The following LMO4 variants were observed in gnomAD, a reference collection of about 807,000 sequenced individuals.
LMO4 encodes LIM domain transcription factor LMO4.
In LMO4, 3 loss-of-function variants were observed where a neutral mutation model predicts 18.5. The ratio of observed to expected loss-of-function variants is 0.16; its 90% CI spans 0.07 to 0.42. The LOEUF (loss-of-function observed/expected upper bound fraction) is 0.42, where lower values mean the gene tolerates loss of function less well. LMO4 is among the 10% of genes least tolerant of loss of function. The pLI is 0.99. For synonymous variants in LMO4, 100 were observed against 88.1 expected, an observed-to-expected ratio of 1.14 and a Z score of -0.76; for missense variants, 121 against 219.9, an observed-to-expected ratio of 0.55 and a Z score of 2.84.
At chr1:87,331,480 A>C (rs1321632241) in intron 1 of LMO4, among the ~76,000 whole-genome samples, 1 of 152,072 alleles carries the variant, frequency 6.6e-6, no homozygotes, top group Non-Finnish European at 1.5e-5. Context: ...CTGCAGCTGC[A>C]CTTCCCGGGG....
rs759976556 is a variant in LMO4 at position 87,340,220 on chromosome 1, A to T, written c.489+18A>T. On this transcript the variant is annotated intron_variant, in intron 4 of 4. Coordinates refer to ENST00000370544, the MANE Select transcript of LMO4 (RefSeq NM_006769.4). ...ACCAGAAGGTGAATACCCAGCAATT[A>T]CTAATAAGCTTTATTAGAGCAAGTT... is the stretch of plus-strand genomic sequence containing the variant. The T allele has an allele frequency of 1.2e-5, 19 of 1,612,774 alleles. No individual in the cohort carries two copies. The highest frequency in any genetic ancestry group is 1.5e-5 in the Non-Finnish European group (18 of 1,179,414).
intron 4 of LMO4, among the ~76,000 whole-genome samples, chr1:87,344,373 G>A (rs1650572477): frequency 6.6e-6 from 1 of 152,150 alleles, no homozygotes; most frequent in African/African-American, 2.4e-5. Context: ...CATTCCAAAA[G>A]GTTACACGGT....
chr1:87,337,119 G>T lies in LMO4; in HGVS notation c.237-2417G>T, dbSNP rs566910553. ...GAGGCAGCCTTAAAGCTGTAGGCAT[G>T]GAAAGATCTTAAACTCCATTGATAC... On this transcript the variant is annotated intron_variant, in intron 2 of 4. Transcript: ENST00000370544. Among the ~76,000 whole-genome samples the T allele has an allele frequency of 3.2e-4, 48 of 152,296 alleles. 1 individual carries two copies. Among genetic ancestry groups the T allele is most frequent in the African/African-American group, 1.2e-3 (48 of 41,568 alleles).
intron 1 of LMO4, among the ~76,000 whole-genome samples, chr1:87,329,661 CAG>C (rs1376752458): frequency 3.3e-5 from 5 of 152,132 alleles, no homozygotes; most frequent in African/African-American, 1.2e-4. Context: ...ATTTTTGAAA[CAG>C]TGGCAGGAAG....
At chr1:87,339,133 A>C (rs1020699607) in intron 2 of LMO4, among the ~76,000 whole-genome samples, 2 of 152,218 alleles carry the variant, frequency 1.3e-5, no homozygotes, top group Non-Finnish European at 2.9e-5. Flanking sequence ...AACCCTTTTG[A>C]TGACTCATAT....
chr1:87,338,480 A>G (rs757277423), intron 2 of LMO4, among the ~76,000 whole-genome samples: 2 of 152,238 alleles, frequency 1.3e-5, no homozygotes, highest in Non-Finnish European at 2.9e-5. Context: ...GGTCTGTTTA[A>G]TAAATATTTG....
chr1:87,345,616 C>T lies in LMO4; in HGVS notation c.*820C>T, dbSNP rs1431538524. The stretch of plus-strand genomic sequence containing the variant: ...TTTGGGTTTAAACACTGCTTTTTCT[C>T]TTCTGTATTTTGAAGAAATTTAGTT... On this transcript the variant is annotated 3_prime_UTR_variant, in exon 5 of 5. Transcript: ENST00000370544. 6.6e-6 allele frequency: 1 copy of T among 152,026 alleles called. No homozygotes were observed. The highest frequency in any genetic ancestry group is 2.4e-5 in the African/African-American group (1 of 41,402). The allele number at this position is 152,026 out of a possible 1,614,324, so 9.4% of individuals were successfully genotyped here.
intron 2 of LMO4, among the ~76,000 whole-genome samples, chr1:87,336,039 C>G (rs1308161845): frequency 9.3e-6 from 1 of 107,974 alleles, no homozygotes; most frequent in Non-Finnish European, 1.7e-5. Context: ...TTTTTTTTTC[C>G]TATTATGCAC....
chr1:87,336,420 G>A (rs1557614434), intron 2 of LMO4, among the ~76,000 whole-genome samples: 1 of 152,176 alleles, frequency 6.6e-6, no homozygotes, highest in South Asian at 2.1e-4. Context: ...AAGTAATAAT[G>A]CAGTTGAAAA....
chr1:87,333,025 AG>A (rs1650199698), intron 2 of LMO4, among the ~76,000 whole-genome samples: 1 of 152,216 alleles, frequency 6.6e-6, no homozygotes, highest in South Asian at 2.1e-4. Flanking sequence ...ATTTAGAAAA[AG>A]GCTATAGAAT....
intron 3 of LMO4, 124 bp downstream of exon 3, chr1:87,339,756 T>A: frequency 1.4e-6 from 1 of 708,524 alleles, no homozygotes; most frequent in South Asian, 1.7e-5. Flanking sequence ...GAAGGAATGA[T>A]TGAAATTGTA....
intron 2 of LMO4, among the ~76,000 whole-genome samples, chr1:87,338,945 G>A (rs1650395109): frequency 6.6e-6 from 1 of 152,348 alleles, no homozygotes; most frequent in Non-Finnish European, 1.5e-5. Flanking sequence ...GGATGAAAGA[G>A]ATGAGCAGAG....
chr1:87,344,427 G>C (rs1433318059), intron 4 of LMO4, among the ~76,000 whole-genome samples: 1 of 152,190 alleles, frequency 6.6e-6, no homozygotes, highest in Non-Finnish European at 1.5e-5. Context: ...ACTTGTCTTG[G>C]AATGTCCCCG....
intron 2 of LMO4, among the ~76,000 whole-genome samples, chr1:87,336,328 C>T (rs552233379): frequency 1.3e-5 from 2 of 152,188 alleles, no homozygotes; most frequent in Non-Finnish European, 1.5e-5. Flanking sequence ...CAGCCACACT[C>T]TCAGAAACGT....
rs1650643630 is a variant in LMO4 at position 87,346,654 on chromosome 1, A to AG, written c.*1862dup. On this transcript the variant is annotated 3_prime_UTR_variant, in exon 5 of 5. Transcript: ENST00000370544. ...TTCCTGTTTTCAGAGATTCCAGGGC[A>AG]GGGGAAAAAAAAAATCAGTTGAACT... is the stretch of plus-strand genomic sequence containing the variant. 2 of 151,990 alleles carry AG rather than the reference A, an allele frequency of 1.3e-5. No homozygotes were observed. The highest frequency in any genetic ancestry group is 4.2e-4 in the South Asian group (2 of 4,772). 9.4% of individuals were successfully genotyped at this position (151,990 alleles called of 1,614,324 possible).
rs375871049 is a variant in LMO4, at chr1:87,344,771, G to A, written c.490-17G>A. ...ATTTAGCATTTTAGCTAAGATGCCC[G>A]TTTTTATTTCTTGCAGGTCTGCTAA... is the stretch of plus-strand genomic sequence containing the variant. On this transcript the variant is annotated splice_polypyrimidine_tract_variant and intron_variant, in intron 4 of 4. Coordinates refer to ENST00000370544, the MANE Select transcript of LMO4 (RefSeq NM_006769.4). The A allele has an allele frequency of 5.2e-5, 84 of 1,613,532 alleles. 1 individual carries two copies. The highest frequency in any genetic ancestry group is 2.6e-4 in the South Asian group (24 of 91,058).
At chr1:87,334,179 C>T (rs563574482) in intron 2 of LMO4, among the ~76,000 whole-genome samples, 12 of 152,234 alleles carry the variant, frequency 7.9e-5, no homozygotes, top group South Asian at 2.1e-4. Context: ...TTAATGGCAT[C>T]TACGTTCTTA....
intron 2 of LMO4, among the ~76,000 whole-genome samples, chr1:87,334,743 C>T (rs981386568): frequency 6.6e-6 from 1 of 152,152 alleles, no homozygotes; most frequent in South Asian, 2.1e-4. Flanking sequence ...GGGGCGCTTT[C>T]ACCAGTCCCC....
chr1:87,335,264 C>T (rs557007296), intron 2 of LMO4, among the ~76,000 whole-genome samples: 18 of 152,274 alleles, frequency 1.2e-4, no homozygotes, highest in African/African-American at 4.1e-4. Flanking sequence ...AAGACTGGCG[C>T]GGAAAGTGCA....
Sources: allele counts gnomAD v4.1 joint callset (sites outside exome capture counted in the v4.1 genomes callset), GRCh38; gene constraint gnomAD v4.1.1; transcripts MANE v1.5; gene names NCBI Gene and HGNC (gene_info 2026-07-23, HGNC 2026-07-21).